Variants in AFG2A observed in about 807,000 individuals in gnomAD.
The protein encoded by AFG2A is AAA ATPase AFG2A.
chr4:123,260,841 A>G, the AFG2A span, among the ~76,000 whole-genome samples: 1 of 152,192 alleles, frequency 6.6e-6, no homozygotes, highest in Non-Finnish European at 1.5e-5. Context: ...CACAGTACTT[A>G]GCACTCTCCT....
the AFG2A span, among the ~76,000 whole-genome samples, chr4:123,126,806 C>G: frequency 2.0e-5 from 3 of 152,270 alleles, no homozygotes; most frequent in African/African-American, 7.2e-5. Flanking sequence ...TTATAAACTA[C>G]CCAGTAGCCT....
At chr4:123,123,951 CAAAAAAAA>C in the AFG2A span, among the ~76,000 whole-genome samples, 7 of 35,778 alleles carry the variant, frequency 2.0e-4, no homozygotes, top group South Asian at 1.7e-3. Context: ...AACTCCGTCT[CAAAAAAAA>C]AAAAAAAAAA....
chr4:122,942,651 C>T, the AFG2A span, among the ~76,000 whole-genome samples: 6 of 152,092 alleles, frequency 3.9e-5, no homozygotes, highest in African/African-American at 1.2e-4. Flanking sequence ...CTGCTCTGAT[C>T]TTAGTTATTT....
chr4:123,298,373 C>A, the AFG2A span, among the ~76,000 whole-genome samples: 6 of 152,186 alleles, frequency 3.9e-5, no homozygotes, highest in Non-Finnish European at 8.8e-5. Context: ...CCGATGGCAT[C>A]CCAGGCCCTG....
chr4:122,947,595 TTCTAATTATAAAA>T, the AFG2A span: 2 of 1,290,866 alleles, frequency 1.5e-6, no homozygotes, highest in Non-Finnish European at 2.0e-6. Context: ...GTAGCTTTGT[TTCTAATTATAAAA>T]TGTGTAATTT....
chr4:122,994,203 G>A, the AFG2A span, among the ~76,000 whole-genome samples: 2 of 151,944 alleles, frequency 1.3e-5, no homozygotes, highest in African/African-American at 4.8e-5. Context: ...TTTAATCCAT[G>A]TTCAGTGAAT....
chr4:123,052,391 G>A, the AFG2A span, among the ~76,000 whole-genome samples: 44 of 152,124 alleles, frequency 2.9e-4, no homozygotes, highest in African/African-American at 1.0e-3. Flanking sequence ...TCTTAAAACA[G>A]GTATTTTGAA....
At chr4:123,083,591 C>T in the AFG2A span, among the ~76,000 whole-genome samples, 1 of 140,486 alleles carries the variant, frequency 7.1e-6, no homozygotes, top group African/African-American at 2.7e-5. Context: ...TTTTAAGAGA[C>T]AGGGTCTCAC....
chr4:123,249,128 A>G, the AFG2A span, among the ~76,000 whole-genome samples: 1 of 152,222 alleles, frequency 6.6e-6, no homozygotes, highest in Non-Finnish European at 1.5e-5. Context: ...CAAGTTTAAA[A>G]TTCATTTATG....
the AFG2A span, among the ~76,000 whole-genome samples, chr4:122,954,795 C>T: frequency 6.6e-6 from 1 of 151,612 alleles, no homozygotes; most frequent in Non-Finnish European, 1.5e-5. Context: ...GTGGCTGCCA[C>T]AGCTCAGGCA....
chr4:123,145,541 A>C, the AFG2A span, among the ~76,000 whole-genome samples: 1 of 152,126 alleles, frequency 6.6e-6, no homozygotes, highest in South Asian at 2.1e-4. Context: ...GGGGAATCTG[A>C]AGTTTAGGGA....
the AFG2A span, among the ~76,000 whole-genome samples, chr4:123,148,987 T>A: frequency 2.0e-5 from 3 of 151,466 alleles, no homozygotes; most frequent in Non-Finnish European, 4.4e-5. Flanking sequence ...CAGGCTGGTC[T>A]CGAATTCCTG....
chr4:123,014,869 C>T, the AFG2A span, among the ~76,000 whole-genome samples: 1 of 152,150 alleles, frequency 6.6e-6, no homozygotes, highest in East Asian at 1.9e-4. Flanking sequence ...CCCAACAAAT[C>T]AAGAGCAATT....
the AFG2A span, among the ~76,000 whole-genome samples, chr4:123,184,587 A>G: frequency 5.3e-5 from 6 of 114,234 alleles, no homozygotes; most frequent in Admixed American, 7.6e-4. Flanking sequence ...CCCAGGCTGG[A>G]GTGCAGTGGC....
At chr4:123,310,763 T>C in the AFG2A span, among the ~76,000 whole-genome samples, 2 of 152,224 alleles carry the variant, frequency 1.3e-5, 1 homozygote, top group East Asian at 3.8e-4. Flanking sequence ...CTGGTTACAT[T>C]TCCCTCAGTT....
At chr4:123,143,950 G>A in the AFG2A span, among the ~76,000 whole-genome samples, 3 of 151,518 alleles carry the variant, frequency 2.0e-5, no homozygotes, top group South Asian at 2.1e-4. Context: ...TTTTGTAAGG[G>A]CTATATAATG....
the AFG2A span, among the ~76,000 whole-genome samples, chr4:123,069,701 G>A: frequency 5.4e-3 from 818 of 152,074 alleles, 8 homozygotes; most frequent in African/African-American, 0.018. Context: ...AAAAATATCC[G>A]AAAAGTATAA....
At chr4:123,306,286 T>G in the AFG2A span, among the ~76,000 whole-genome samples, 2 of 152,192 alleles carry the variant, frequency 1.3e-5, no homozygotes, top group Non-Finnish European at 1.5e-5. Flanking sequence ...CCTGCCTTTG[T>G]TGTTTTATGT....
At chr4:123,189,951 G>A in the AFG2A span, among the ~76,000 whole-genome samples, 2 of 150,858 alleles carry the variant, frequency 1.3e-5, no homozygotes, top group African/African-American at 2.4e-5. Flanking sequence ...AACCACAGGC[G>A]TGCACCACAC....
Sources: gnomAD v4.1 joint callset for allele counts (sites outside exome capture counted in the v4.1 genomes callset) on GRCh38, gnomAD v4.1.1 for gene constraint, MANE v1.5 for transcripts, NCBI Gene and HGNC (gene_info 2026-07-23, HGNC 2026-07-21) for gene names.